TMED10: variants seen among roughly 807,000 people sequenced by gnomAD.
The protein encoded by TMED10 is transmembrane emp24 domain-containing protein 10.
Under a neutral mutation model 23.1 loss-of-function variants are expected in TMED10, and 7 were observed. That is an observed-to-expected ratio of 0.30 (90% CI 0.17 to 0.57). The LOEUF (loss-of-function observed/expected upper bound fraction) is 0.57. Ranked by LOEUF, TMED10 falls within the 20% of genes least tolerant of loss-of-function variation. The pLI is 0.91. For synonymous variants in TMED10, 113 were observed against 106.9 expected, an observed-to-expected ratio of 1.06 and a Z score of -0.35; for missense variants, 162 against 274.8, an observed-to-expected ratio of 0.59 and a Z score of 2.90.
At chr14:75,154,355 C>G (rs1895994052) in intron 1 of TMED10, among the ~76,000 whole-genome samples, 1 of 117,132 alleles carries the variant, frequency 8.5e-6, no homozygotes, top group African/African-American at 3.3e-5. Flanking sequence ...TGAGCCGAGA[C>G]TGTGCCACTG....
At chr14:75,162,575 G>C (rs1460728656) in intron 1 of TMED10, among the ~76,000 whole-genome samples, 1 of 152,076 alleles carries the variant, frequency 6.6e-6, no homozygotes, top group Non-Finnish European at 1.5e-5. Context: ...GCTACATAAA[G>C]TGACTTCCTT....
chr14:75,135,655 A>G, intron 4 of TMED10, 105 bp downstream of exon 4: 1 of 1,495,764 alleles, frequency 6.7e-7, no homozygotes, highest in Non-Finnish European at 9.0e-7. Context: ...TCCCCTCCAT[A>G]TACCCACCTT....
intron 1 of TMED10, among the ~76,000 whole-genome samples, chr14:75,160,917 G>A (rs1191307126): frequency 1.3e-5 from 2 of 152,104 alleles, no homozygotes; most frequent in Non-Finnish European, 2.9e-5. Context: ...GGTGGCAGGC[G>A]CGTGTAATCC....
chr14:75,160,603 C>T (rs930444665), intron 1 of TMED10, among the ~76,000 whole-genome samples: 1 of 151,854 alleles, frequency 6.6e-6, no homozygotes, highest in Non-Finnish European at 1.5e-5. Flanking sequence ...ACAATAAATA[C>T]TTATAATAGT....
chr14:75,155,439 G>A (rs1433295256), intron 1 of TMED10, among the ~76,000 whole-genome samples: 5 of 152,148 alleles, frequency 3.3e-5, no homozygotes, highest in Admixed American at 2.0e-4. Context: ...GTGATACTGG[G>A]GAACTTTTAA....
intron 3 of TMED10, among the ~76,000 whole-genome samples, chr14:75,143,867 G>A (rs1251488554): frequency 6.7e-6 from 1 of 149,478 alleles, no homozygotes; most frequent in African/African-American, 2.5e-5. Context: ...CCGGGAGGCA[G>A]AGGTTGCAGT....
At position 75,160,561 on chromosome 14, in the gene TMED10, A is replaced by G. The variant is rs190420897; in HGVS notation, c.226-8418T>C. Among the ~76,000 whole-genome samples the G allele has an allele frequency of 1.4e-4, 21 of 152,328 alleles. No individual in the cohort carries two copies. In the East Asian group the frequency reaches 1.9e-3, roughly 14 times the overall value. On this transcript the variant is annotated intron_variant, in intron 1 of 4. Coordinates refer to ENST00000303575, the MANE Select transcript of TMED10 (RefSeq NM_006827.6). ...GCTACTTTTACCTACTATAATAGCA[A>G]GACCTTAAAAGGATTCTTTTCTTTC... is the stretch of plus-strand genomic sequence containing the variant.
intron 3 of TMED10, among the ~76,000 whole-genome samples, chr14:75,147,206 T>TTTTTTTTTTTTA (rs1895896963): frequency 1.2e-5 from 1 of 85,884 alleles, no homozygotes; most frequent in Non-Finnish European, 2.5e-5. Flanking sequence ...TTTTTTTTTT[T>TTTTTTTTTTTTA]GAGATGGAGC....
intron 1 of TMED10, chr14:75,175,980 G>A: frequency 3.4e-6 from 1 of 292,586 alleles, no homozygotes; most frequent in South Asian, 3.4e-5. Context: ...CTTTCCTGCA[G>A]GTATCGCGGT....
At chr14:75,142,489 CCTAT>C (rs1294670843) in intron 3 of TMED10, among the ~76,000 whole-genome samples, 3 of 152,194 alleles carry the variant, frequency 2.0e-5, no homozygotes, top group Non-Finnish European at 4.4e-5. Context: ...CCAAATCTGA[CCTAT>C]CTTTCAAGCC....
chr14:75,172,143 G>A (rs1194209519), intron 1 of TMED10, among the ~76,000 whole-genome samples: 1 of 152,112 alleles, frequency 6.6e-6, no homozygotes, highest in Non-Finnish European at 1.5e-5. Flanking sequence ...ATTCTTTTAA[G>A]AGCAATTGAC....
intron 3 of TMED10, among the ~76,000 whole-genome samples, chr14:75,139,911 A>G (rs1895800875): frequency 1.3e-5 from 2 of 152,210 alleles, no homozygotes; most frequent in South Asian, 4.1e-4. Flanking sequence ...ATATATTTCT[A>G]TGTTGAATCT....
At chr14:75,148,922 A>T (rs961465654) in intron 2 of TMED10, among the ~76,000 whole-genome samples, 13 of 152,152 alleles carry the variant, frequency 8.5e-5, no homozygotes, top group Non-Finnish European at 1.3e-4. Context: ...AATTAAAAAA[A>T]ATTTTTTGAG....
intron 1 of TMED10, among the ~76,000 whole-genome samples, chr14:75,154,238 A>C (rs1594869964): frequency 2.2e-3 from 1 of 462 alleles, no homozygotes; most frequent in Non-Finnish European, 0.25. Flanking sequence ...CTAAAAATAC[A>C]AAAAAAAAAA....
At chr14:75,174,273 A>AG (rs1896272055) in intron 1 of TMED10, among the ~76,000 whole-genome samples, 2 of 152,340 alleles carry the variant, frequency 1.3e-5, no homozygotes, top group African/African-American at 4.8e-5. Flanking sequence ...GGTACTGTCC[A>AG]GGGTGGCTCC....
Position 75,133,963 on chromosome 14 carries a change from G to T in TMED10, c.*922C>A. 8.2e-6 allele frequency: 2 copies of T among 243,064 alleles called. No homozygotes were observed. The highest frequency in any genetic ancestry group is 3.8e-5 in the South Asian group (1 of 26,070). The allele number at this position is 243,064 out of a possible 1,614,324, so 15.1% of individuals were successfully genotyped here. ...TGCAACAACTTGGATGGATTTCAAG[G>T]GAATTATGCTGAATGAAAAAAGATC... is the stretch of plus-strand genomic sequence containing the variant. On this transcript the variant is annotated 3_prime_UTR_variant, in exon 5 of 5. Coordinates refer to ENST00000303575, the MANE Select transcript of TMED10 (RefSeq NM_006827.6).
chr14:75,135,532 A>G, intron 4 of TMED10: 2 of 511,430 alleles, frequency 3.9e-6, no homozygotes, highest in South Asian at 5.0e-5. Context: ...TGATGTGGGT[A>G]TAGACTAATT....
chr14:75,147,185 G>GTTTTTTTTTTTTTTTTT lies in TMED10; in HGVS notation c.411+462_411+478dup, dbSNP rs71119349. On this transcript the variant is annotated intron_variant, in intron 3 of 4. Transcript: ENST00000303575. Reference sequence around the variant, plus strand: ...ACAGCCAGAATTATTCTTCAAGGCTGTTTTTTTTTTTTTTTTTTTTTGAGA... The same window carrying GTTTTTTTTTTTTTTTTT: ...ACAGCCAGAATTATTCTTCAAGGCTGTTTTTTTTTTTTTTTTTTTTTTTTTTTTTTTTTTTTTTGAGA... Among the ~76,000 whole-genome samples the GTTTTTTTTTTTTTTTTT allele has an allele frequency of 6.9e-4, 80 of 116,586 alleles. 8 individuals carry two copies. The highest frequency in any genetic ancestry group is 2.6e-3 in the African/African-American group (67 of 26,268). 76.5% of individuals were successfully genotyped at this position (116,586 alleles called of 152,430 possible).
intron 1 of TMED10, 22 bp from the exon 2 acceptor site, chr14:75,152,165 G>T: frequency 6.3e-7 from 1 of 1,589,106 alleles, no homozygotes; most frequent in South Asian, 1.1e-5. Flanking sequence ...AAAGTAGTAA[G>T]AATAGGCAGC....
Sources: allele counts gnomAD v4.1 joint callset (sites outside exome capture counted in the v4.1 genomes callset), GRCh38; gene constraint gnomAD v4.1.1; transcripts MANE v1.5; gene names NCBI Gene and HGNC (gene_info 2026-07-23, HGNC 2026-07-21).